The following NRK variants were observed in gnomAD, a reference collection of about 807,000 sequenced individuals.
The protein encoded by NRK is nik-related protein kinase.
In NRK, 67 loss-of-function variants were observed where a neutral mutation model predicts 125.2. The ratio of observed to expected loss-of-function variants is 0.54; its 90% confidence interval spans 0.44 to 0.66. The LOEUF (loss-of-function observed/expected upper bound fraction) is 0.66, where lower values mean the gene tolerates loss of function less well. NRK is among the 30% of genes least tolerant of loss of function. The pLI is 0.00. For missense variants in NRK, 1,224 were observed against 1,192.9 expected, an observed-to-expected ratio of 1.03 and a Z score of -0.38; for synonymous variants, 458 against 429.0, an observed-to-expected ratio of 1.07 and a Z score of -0.84.
At chrX:105,880,918 C>T (rs1008701351) in intron 3 of NRK, among the ~76,000 whole-genome samples, 3 of 111,302 alleles carry the variant, frequency 2.7e-5, no homozygotes, top group African/African-American at 6.5e-5. Flanking sequence ...AAAAATTTTA[C>T]TTCACTATAC....
At position 105,923,298 on chromosome X, in the gene NRK, G is replaced by A; in HGVS notation, c.2791G>A (p.Asp931Asn). Residue 931 changes from aspartate to asparagine, a missense_variant, in exon 18 of 29, where the codon GAT (aspartate) becomes AAT (asparagine). Coordinates refer to ENST00000243300, the MANE Select transcript of NRK (RefSeq NM_198465.4). ...ACTCTATGATGCCAGTGCTGATACT[G>A]ATGGTGATGATGATGATGAGTCTAA... ...VELYDASADT[D>N]GDDDDESNDT... 1 of 1,192,008 alleles carries A rather than the reference G, an allele frequency of 8.4e-7. No individual in the cohort carries two copies. Among genetic ancestry groups the A allele is most frequent in the East Asian group, 3.0e-5 (1 of 33,502 alleles).
intron 13 of NRK, among the ~76,000 whole-genome samples, chrX:105,910,981 C>T (rs766877467): frequency 1.3e-4 from 15 of 111,527 alleles, no homozygotes; most frequent in Non-Finnish European, 2.3e-4. Context: ...ACAAGGTCTA[C>T]GTGAGTCTAG....
chrX:105,826,208 TATA>T (rs201349810), intron 1 of NRK, among the ~76,000 whole-genome samples: 1,275 of 90,821 alleles, frequency 0.014, 31 homozygotes, highest in African/African-American at 0.049. Flanking sequence ...TTATCATATA[TATA>T]ATAATATGTG....
Position 105,908,952 on chromosome X carries a change from A to G in NRK, c.1311A>G (p.Gln437=), listed in dbSNP as rs2040256121. The G allele has an allele frequency of 8.3e-7, 1 of 1,210,325 alleles. No individual in the cohort carries two copies. Among genetic ancestry groups the G allele is most frequent in the Non-Finnish European group, 1.1e-6 (1 of 894,373 alleles). ...KPLKGQAQAP[Q]RLQGAARVFM... ...TAAAGGGGCAGGCTCAGGCACCTCA[A>G]CGACTACAAGGGGCAGCTCGGGTGT... is the stretch of plus-strand genomic sequence containing the variant. The change falls in exon 13 of 29, where the codon CAA becomes CAG. Residue 437 remains glutamine, a synonymous_variant. Coordinates refer to ENST00000243300, the MANE Select transcript of NRK (RefSeq NM_198465.4).
At chrX:105,886,874 A>G (rs1299604433) in intron 4 of NRK, among the ~76,000 whole-genome samples, 2 of 111,336 alleles carry the variant, frequency 1.8e-5, no homozygotes, top group African/African-American at 3.3e-5. Flanking sequence ...TCAAGATAGT[A>G]TGGTACTGTC....
chrX:105,864,457 C>T (rs777910527), intron 2 of NRK, among the ~76,000 whole-genome samples: 2 of 111,323 alleles, frequency 1.8e-5, no homozygotes, highest in East Asian at 2.8e-4. Context: ...TAATCAAATG[C>T]ACCAAGTAGA....
At chrX:105,891,440 A>C (rs2040015155) in intron 5 of NRK, among the ~76,000 whole-genome samples, 1 of 112,358 alleles carries the variant, frequency 8.9e-6, no homozygotes, top group South Asian at 3.7e-4. Flanking sequence ...TTCCATGTCC[A>C]AGTTAGTAGT....
Position 105,912,539 on chromosome X carries a change from A to G in NRK, c.2242-109A>G, listed in dbSNP as rs768730620. ...TTTAAATTGTGTATTATTTTAAATTATATATTATATAATACATATAAACAA... is the reference window on the plus strand; with the variant it reads ...TTTAAATTGTGTATTATTTTAAATTGTATATTATATAATACATATAAACAA... On this transcript the variant is annotated intron_variant, in intron 13 of 28. Coordinates refer to ENST00000243300, the MANE Select transcript of NRK (RefSeq NM_198465.4). The G allele has an allele frequency of 3.1e-4, 69 of 220,060 alleles. No individual in the cohort carries two copies. In the East Asian group the frequency reaches 5.5e-3, roughly 18 times the overall value. 18.1% of individuals were successfully genotyped at this position (220,060 alleles called of 1,213,427 possible). A position where few individuals can be genotyped will look rare whatever the true frequency, so the allele number is the denominator to read the frequency against.
At chrX:105,888,226 G>A (rs1430231085) in intron 4 of NRK, 68 bp from the exon 5 acceptor site, 42 of 910,859 alleles carry the variant, frequency 4.6e-5, no homozygotes, top group Non-Finnish European at 8.9e-6. Flanking sequence ...TTGATATACT[G>A]TACTTTAGGG....
intron 9 of NRK, 76 bp downstream of exon 9, chrX:105,900,748 G>T: frequency 1.5e-6 from 1 of 649,262 alleles, no homozygotes; most frequent in Non-Finnish European, 2.4e-6. Context: ...TCTCTCTGTC[G>T]AAGAAGATGA....
At chrX:105,823,795 C>T (rs2039056382) in intron 1 of NRK, among the ~76,000 whole-genome samples, 1 of 111,770 alleles carries the variant, frequency 8.9e-6, no homozygotes. Flanking sequence ...ATTGGCATTT[C>T]ACTCGCACCC....
intron 2 of NRK, among the ~76,000 whole-genome samples, chrX:105,872,725 C>T (rs1476605543): frequency 9.0e-6 from 1 of 111,601 alleles, no homozygotes; most frequent in Non-Finnish European, 1.9e-5. Flanking sequence ...ATCACCATTA[C>T]TTCCCATCTC....
chrX:105,901,678 G>T (rs1239071838), intron 9 of NRK, among the ~76,000 whole-genome samples: 1 of 111,395 alleles, frequency 9.0e-6, no homozygotes, highest in Non-Finnish European at 1.9e-5. Flanking sequence ...GTATCCCTTG[G>T]AATATTAAAG....
At chrX:105,920,246 G>C (rs1402170500) in intron 16 of NRK, among the ~76,000 whole-genome samples, 1 of 106,125 alleles carries the variant, frequency 9.4e-6, no homozygotes, top group Non-Finnish European at 1.9e-5. Flanking sequence ...CTGTTCCATT[G>C]ATCTATATCT....
Position 105,957,552 on chromosome X carries a change from G to A in NRK, c.*1952G>A, listed in dbSNP as rs779024429. Reference sequence around the variant, plus strand: ...TTAAAATCATATTTGAAGACAGTAAGACAGTAAACTATTTTAGGAAGTCAA... The same window carrying A: ...TTAAAATCATATTTGAAGACAGTAAAACAGTAAACTATTTTAGGAAGTCAA... On this transcript the variant is annotated 3_prime_UTR_variant, in exon 29 of 29. Coordinates refer to ENST00000243300, the MANE Select transcript of NRK (RefSeq NM_198465.4). 13 of 111,758 alleles carry A rather than the reference G, an allele frequency of 1.2e-4. No homozygotes were observed. In the South Asian group the frequency reaches 4.9e-3, roughly 42 times the overall value. The allele number at this position is 111,758 out of a possible 1,213,427, so 9.2% of individuals were successfully genotyped here.
rs753072138 is a variant in NRK at position 105,947,442 on chromosome X, CAAAAAAAAAAAA to C, written c.4353+988_4353+999del. Among the ~76,000 whole-genome samples the C allele has an allele frequency of 7.3e-4, 13 of 17,789 alleles. 3 individuals carry two copies. Among genetic ancestry groups the C allele is most frequent in the Non-Finnish European group, 1.1e-3 (13 of 11,521 alleles). 15.4% of individuals were successfully genotyped at this position (17,789 alleles called of 115,157 possible). On this transcript the variant is annotated intron_variant, in intron 26 of 28. Transcript: ENST00000243300. ...TGGGCGACAGAGCGAGACTCCGTCT[CAAAAAAAAAAAA>C]AAAAAAAAAGAAAGAAATACGGTGC...
At chrX:105,882,846 A>G (rs1287583519) in intron 4 of NRK, among the ~76,000 whole-genome samples, 1 of 111,929 alleles carries the variant, frequency 8.9e-6, no homozygotes, top group Non-Finnish European at 1.9e-5. Context: ...CGCAAAAGAT[A>G]AGGTATGGAA....
intron 1 of NRK, among the ~76,000 whole-genome samples, chrX:105,830,314 CAAAAAAAAAAAAAAAAAAAA>C (rs71932033): frequency 9.0e-5 from 1 of 11,051 alleles, no homozygotes; most frequent in Non-Finnish European, 1.5e-4. Context: ...AACTCCGTCG[CAAAAAAAAAAAAAAAAAAAA>C]AAAAAAAAAA....
At chrX:105,917,909 G>A (rs1204276984) in intron 16 of NRK, among the ~76,000 whole-genome samples, 3 of 110,812 alleles carry the variant, frequency 2.7e-5, no homozygotes, top group African/African-American at 9.8e-5. Flanking sequence ...TAGTAGTTAG[G>A]AATGTGTCTA....
Sources: allele counts gnomAD v4.1 joint callset (sites outside exome capture counted in the v4.1 genomes callset), GRCh38; gene constraint gnomAD v4.1.1; transcripts MANE v1.5; gene names NCBI Gene and HGNC (gene_info 2026-07-23, HGNC 2026-07-21).